The following IGF2R variants were observed in gnomAD, a reference collection of about 807,000 sequenced individuals.
IGF2R encodes the protein cation-independent mannose-6-phosphate receptor.
In IGF2R, 91 loss-of-function variants were observed where a neutral mutation model predicts 270.6. That is an observed-to-expected ratio of 0.34 (90% confidence interval 0.28 to 0.40). IGF2R has a LOEUF of 0.40. IGF2R is among the 10% of genes least tolerant of loss of function. The pLI is 1.00. For missense variants in IGF2R, 2,805 were observed against 3,188.3 expected (o/e 0.88, Z 2.90); for synonymous variants, 1,316 against 1,258.9 (o/e 1.05, Z -0.96).
chr6:160,000,368 A>C (rs1784109327), intron 2 of IGF2R, among the ~76,000 whole-genome samples: 1 of 152,122 alleles, frequency 6.6e-6, no homozygotes, highest in Admixed American at 6.5e-5. Context: ...ACACACTTTC[A>C]AACAAGCACA....
intron 29 of IGF2R, among the ~76,000 whole-genome samples, chr6:160,067,316 C>T (rs1038400844): frequency 4.6e-5 from 7 of 152,220 alleles, no homozygotes; most frequent in African/African-American, 9.6e-5. Context: ...GTCCCCTTCT[C>T]GGTCACGCCT....
At chr6:160,076,907 C>G (rs2115279043) in intron 36 of IGF2R, among the ~76,000 whole-genome samples, 1 of 152,306 alleles carries the variant, frequency 6.6e-6, no homozygotes, top group African/African-American at 2.4e-5. Context: ...CATCTGACCC[C>G]TAGGAGTTCA....
intron 13 of IGF2R, among the ~76,000 whole-genome samples, chr6:160,045,436 A>G (rs1229129696): frequency 1.3e-5 from 2 of 151,890 alleles, no homozygotes; most frequent in Non-Finnish European, 1.5e-5. Context: ...GCTTGGTGAC[A>G]TTGTTGTGTA....
intron 10 of IGF2R, 133 bp downstream of exon 10, chr6:160,034,655 T>C: frequency 7.2e-6 from 4 of 556,488 alleles, no homozygotes; most frequent in Non-Finnish European, 1.3e-5. Context: ...TGGCCAGCTC[T>C]AGCCCCCAGA....
Position 160,077,012 on chromosome 6 carries a change from GAC to G in IGF2R, c.5316+1018_5316+1019del, listed in dbSNP as rs200030747. Among the ~76,000 whole-genome samples the G allele has an allele frequency of 4.6e-3, 697 of 152,316 alleles. 3 individuals are homozygous for G. The highest frequency in any genetic ancestry group is 0.015 in the African/African-American group (603 of 41,574). ...GAGCAGGTTTGTAAAGGGACTGTTA[GAC>G]ATGGGTGTGCTGACAGTGACAGAAA... On this transcript the variant is annotated intron_variant, in intron 36 of 47. Coordinates refer to ENST00000356956, the MANE Select transcript of IGF2R (RefSeq NM_000876.4).
chr6:160,068,195 T>G (rs1239922085), intron 29 of IGF2R, 54 bp from the exon 30 acceptor site: 1 of 1,602,364 alleles, frequency 6.2e-7, no homozygotes, highest in Non-Finnish European at 8.5e-7. Flanking sequence ...GAGTGCCCAA[T>G]GTTTAAAGAG....
chr6:159,971,917 A>T (rs1339865706), intron 1 of IGF2R, among the ~76,000 whole-genome samples: 4 of 152,218 alleles, frequency 2.6e-5, no homozygotes, highest in Non-Finnish European at 5.9e-5. Flanking sequence ...TCAGCCTCCC[A>T]AAGTGTTGGG....
intron 45 of IGF2R, among the ~76,000 whole-genome samples, chr6:160,097,600 C>T (rs997480159): frequency 6.6e-6 from 1 of 152,200 alleles, no homozygotes; most frequent in African/African-American, 2.4e-5. Flanking sequence ...AAAGTGCTGG[C>T]ATTACAAGCG....
chr6:159,977,481 A>G (rs1353544392), intron 1 of IGF2R, among the ~76,000 whole-genome samples: 2 of 139,308 alleles, frequency 1.4e-5, no homozygotes, highest in African/African-American at 2.8e-5. Flanking sequence ...TCCCAATGTC[A>G]CCCCCAAGCG....
chr6:160,104,601 G>C (rs1031718210), intron 47 of IGF2R, 73 bp from the exon 48 acceptor site: 1 of 1,491,822 alleles, frequency 6.7e-7, no homozygotes, highest in African/African-American at 1.4e-5. Context: ...GAGCATCCCT[G>C]ATGTGGTGGA....
intron 13 of IGF2R, 41 bp from the exon 14 acceptor site, chr6:160,045,704 T>C (rs1562355655): frequency 6.2e-7 from 1 of 1,612,216 alleles, no homozygotes; most frequent in Non-Finnish European, 8.5e-7. Flanking sequence ...ATTTTAGGAA[T>C]GAACGGATTA....
rs565959279 is a variant in IGF2R, at chr6:160,015,646, G to A, written c.513+4861G>A. On this transcript the variant is annotated intron_variant, in intron 4 of 47. Coordinates refer to ENST00000356956, the MANE Select transcript of IGF2R (RefSeq NM_000876.4). Reference sequence around the variant, plus strand: ...AGCCATGGTTTCTGTCCTGGGCAGGGAGTCTTGCAGCCTGGGGCAGTTTCA... The same window carrying A: ...AGCCATGGTTTCTGTCCTGGGCAGGAAGTCTTGCAGCCTGGGGCAGTTTCA... Among the ~76,000 whole-genome samples, 8 of 152,334 alleles carry A rather than the reference G, an allele frequency of 5.3e-5. No individual in the cohort carries two copies. The South Asian group carries it at 1.4e-3, about 28-fold the overall frequency.
chr6:160,082,371 G>A (rs1779002107), intron 39 of IGF2R, among the ~76,000 whole-genome samples: 1 of 151,278 alleles, frequency 6.6e-6, no homozygotes, highest in Non-Finnish European at 1.5e-5. Context: ...GTGCAGTGGT[G>A]CAGTCTTGGC....
chr6:159,989,722 G>T (rs1783948010), intron 1 of IGF2R, among the ~76,000 whole-genome samples: 1 of 152,192 alleles, frequency 6.6e-6, no homozygotes. Context: ...CGAGCCACTG[G>T]CCAGGTCTTT....
At chr6:160,017,367 C>CA (rs1156714485) in intron 4 of IGF2R, among the ~76,000 whole-genome samples, 1 of 152,170 alleles carries the variant, frequency 6.6e-6, no homozygotes, top group Non-Finnish European at 1.5e-5. Context: ...CGTGGGACTA[C>CA]ATGAAACATC....
chr6:160,025,838 C>T (rs1397936137), intron 5 of IGF2R, among the ~76,000 whole-genome samples: 5 of 152,130 alleles, frequency 3.3e-5, no homozygotes, highest in East Asian at 1.9e-4. Flanking sequence ...TGGAATAATA[C>T]GCTATTTTGA....
intron 4 of IGF2R, 103 bp downstream of exon 4, chr6:160,010,888 T>C: frequency 1.5e-6 from 1 of 671,472 alleles, no homozygotes; most frequent in Non-Finnish European, 2.6e-6. Flanking sequence ...CTTTTTTAGC[T>C]TCCAAATTGC....
intron 28 of IGF2R, 67 bp from the exon 29 acceptor site, chr6:160,064,737 A>C: frequency 8.0e-7 from 1 of 1,243,268 alleles, no homozygotes; most frequent in Non-Finnish European, 1.2e-6. Context: ...TTTCATTCTT[A>C]AAACTCAAAG....
intron 41 of IGF2R, among the ~76,000 whole-genome samples, chr6:160,087,823 C>G (rs1779127906): frequency 6.6e-6 from 1 of 152,116 alleles, no homozygotes; most frequent in Non-Finnish European, 1.5e-5. Context: ...TTACAGGCAC[C>G]TGCCACCGTG....
Sources: allele counts gnomAD v4.1 joint callset (sites outside exome capture counted in the v4.1 genomes callset), GRCh38; gene constraint gnomAD v4.1.1; transcripts MANE v1.5; gene names NCBI Gene and HGNC (gene_info 2026-07-23, HGNC 2026-07-21).